SRC: variants seen among roughly 807,000 people sequenced by gnomAD.
SRC encodes the protein SRC proto-oncogene, non-receptor tyrosine kinase.
A neutral mutation model predicts 62.9 loss-of-function variants in SRC; 13 were observed. The ratio of observed to expected loss-of-function variants is 0.21; its 90% CI spans 0.13 to 0.33. The LOEUF (loss-of-function observed/expected upper bound fraction) is 0.33, where lower values mean the gene tolerates loss of function less well. SRC is among the 10% of genes least tolerant of loss of function. SRC has a pLI of 1.00. For synonymous variants in SRC, 302 were observed against 317.5 expected, an observed-to-expected ratio of 0.95 and a Z score of 0.52; for missense variants, 457 against 737.3, an observed-to-expected ratio of 0.62 and a Z score of 4.40.
At chr20:37,390,388 C>CTTTTT (rs562064689) in intron 5 of SRC, among the ~76,000 whole-genome samples, 3 of 85,658 alleles carry the variant, frequency 3.5e-5, no homozygotes, top group Non-Finnish European at 2.4e-5. Context: ...TCTGATCTGG[C>CTTTTT]TTTTTTTTTT....
chr20:37,370,104 C>T (rs1432610486), intron 2 of SRC, among the ~76,000 whole-genome samples: 1 of 152,158 alleles, frequency 6.6e-6, no homozygotes, highest in African/African-American at 2.4e-5. Context: ...CCGGCCTAGC[C>T]GTGAGGTTTT....
Position 37,351,179 on chromosome 20 carries a change from A to G in SRC, c.-247+4924A>G, listed in dbSNP as rs896291974. 2.3e-4 allele frequency among the ~76,000 whole-genome samples: 35 copies of G among 152,158 alleles called. No individual in the cohort carries two copies. The highest frequency in any genetic ancestry group is 2.8e-4 in the Non-Finnish European group (19 of 68,030). ...TCCTTGGGCAAGTGACTTTCCCCCA[A>G]CTTTGGTCCATTTGGTCCTTCTTCT... On this transcript the variant is annotated intron_variant, in intron 1 of 13. Coordinates refer to ENST00000373578, the MANE Select transcript of SRC (RefSeq NM_198291.3). This position sits in a 1 kb window ranked among gnomAD's most constrained non-coding sequence, Gnocchi z 4.4.
chr20:37,360,218 CTTTTTTTTT>C (rs61476973), intron 1 of SRC, among the ~76,000 whole-genome samples: 2 of 105,632 alleles, frequency 1.9e-5, no homozygotes, highest in Admixed American at 2.0e-4. Context: ...CTCTCTCTCT[CTTTTTTTTT>C]TTTTTTTTTT....
At chr20:37,367,358 G>T (rs754377404) in intron 2 of SRC, among the ~76,000 whole-genome samples, 1 of 151,876 alleles carries the variant, frequency 6.6e-6, no homozygotes, top group Non-Finnish European at 1.5e-5. Flanking sequence ...GGGATTACAG[G>T]CATGTGCCAT....
intron 5 of SRC, among the ~76,000 whole-genome samples, chr20:37,393,549 G>A (rs1490763298): frequency 2.7e-5 from 4 of 146,294 alleles, no homozygotes; most frequent in Admixed American, 6.8e-5. Flanking sequence ...GGCAGCTCTC[G>A]GCATCTTGAG....
At chr20:37,392,792 T>C (rs2147087209) in intron 5 of SRC, among the ~76,000 whole-genome samples, 1 of 152,236 alleles carries the variant, frequency 6.6e-6, no homozygotes, top group African/African-American at 2.4e-5. Context: ...CCTGTCCCCT[T>C]GGTTGCTTTG....
At chr20:37,401,987 C>T (rs1242922069) in intron 11 of SRC, 2 of 372,302 alleles carry the variant, frequency 5.4e-6, no homozygotes, top group Non-Finnish European at 4.8e-6. Context: ...TTGCTGTAGG[C>T]AGTGGTCAAC....
In SRC at chr20:37,386,289, C is replaced by CCCAGGGCAGTGT. The variant is rs1568635971; in HGVS notation, c.350+115_350+116insCCAGGGCAGTGT. On this transcript the variant is annotated intron_variant, in intron 5 of 13. Transcript: ENST00000373578. ...GCACAGTGCAGAGCCCAGGGCAGTG[C>CCCAGGGCAGTGT]GAAGCCCAGGGCAGTGTGGAGGCAG... The CCCAGGGCAGTGT allele has an allele frequency of 1.1e-3, 1,126 of 1,055,998 alleles. 3 individuals are homozygous for CCCAGGGCAGTGT. The African/African-American group carries it at 0.015, about 15-fold the overall frequency. 65.4% of individuals were successfully genotyped at this position (1,055,998 alleles called of 1,614,324 possible).
Position 37,400,129 on chromosome 20 carries a change from A to T in SRC, c.874A>T (p.Thr292Ser), listed in dbSNP as rs1233868589. The T allele has an allele frequency of 6.2e-7, 1 of 1,609,996 alleles. No individual in the cohort carries two copies. The highest frequency in any genetic ancestry group is 8.5e-7 in the Non-Finnish European group (1 of 1,178,066). ...GEVWMGTWNG[T>S]TRVAIKTLKP... is the part of the protein sequence containing the mutation. ...CTCCTCAACAGGGACCTGGAACGGTACCACCAGGGTGGCCATCAAAACCCT... is the reference window on the plus strand; with the variant it reads ...CTCCTCAACAGGGACCTGGAACGGTTCCACCAGGGTGGCCATCAAAACCCT... Residue 292 changes from threonine to serine, a missense_variant, in exon 10 of 14, where the codon ACC (threonine) becomes TCC (serine). Thr to Ser is a moderately conservative substitution (Grantham distance 58). Around this residue, in one of 4 missense-constraint regions of SRC, gnomAD observed 168 missense variants for 357.8 expected, o/e 0.47. Coordinates refer to ENST00000373578, the MANE Select transcript of SRC (RefSeq NM_198291.3).
intron 1 of SRC, among the ~76,000 whole-genome samples, chr20:37,354,899 A>T (rs2069858749): frequency 6.6e-6 from 1 of 152,160 alleles, no homozygotes; most frequent in South Asian, 2.1e-4. Context: ...GGAAGGCTTG[A>T]TGTGCTCATT....
At chr20:37,362,761 C>A (rs1442514550) in intron 1 of SRC, among the ~76,000 whole-genome samples, 1 of 152,120 alleles carries the variant, frequency 6.6e-6, no homozygotes, top group Non-Finnish European at 1.5e-5. Flanking sequence ...AGCCTCCTAA[C>A]CCCTCCAACT....
chr20:37,388,703 T>C (rs1201579721), intron 5 of SRC, among the ~76,000 whole-genome samples: 2 of 151,762 alleles, frequency 1.3e-5, no homozygotes, highest in African/African-American at 4.8e-5. Context: ...GCCATGATCG[T>C]GCTACTGCAC....
intron 4 of SRC, 82 bp from the exon 5 acceptor site, chr20:37,385,990 ACTC>A: frequency 9.3e-7 from 1 of 1,076,312 alleles, no homozygotes; most frequent in South Asian, 1.3e-5. Context: ...AGACAAATCC[ACTC>A]CTCCTGGGTA....
At position 37,401,684 on chromosome 20, in the gene SRC, T is replaced by C. The variant is rs1403097342; in HGVS notation, c.1116+6T>C. 7 of 1,603,256 alleles carry C rather than the reference T, an allele frequency of 4.4e-6. No homozygotes were observed. Among genetic ancestry groups the C allele is most frequent in the Admixed American group, 3.4e-5 (2 of 59,110 alleles). ...TGGTGGACATGGCTGCTCAGGTGAG[T>C]CAGCCCCTCCCGCCTCCCCACACCC... is the stretch of plus-strand genomic sequence containing the variant. On this transcript the variant is annotated splice_donor_region_variant and intron_variant, in intron 11 of 13. Transcript: ENST00000373578.
Position 37,398,043 on chromosome 20 carries a change from C to T in SRC, c.859+189C>T, listed in dbSNP as rs745727153. The stretch of plus-strand genomic sequence containing the variant: ...GCCACCCAAGCACTGTGCCCCGGAC[C>T]GTGCAAACCATAGTGCCTGATTCCA... On this transcript the variant is annotated intron_variant, in intron 9 of 13. Coordinates refer to ENST00000373578, the MANE Select transcript of SRC (RefSeq NM_198291.3). This position sits in a 1 kb window ranked among gnomAD's most constrained non-coding sequence, Gnocchi z 5.2. Among the ~76,000 whole-genome samples, 2 of 152,204 alleles carry T rather than the reference C, an allele frequency of 1.3e-5. No homozygotes were observed. Among genetic ancestry groups the T allele is most frequent in the Admixed American group, 6.5e-5 (1 of 15,278 alleles).
At chr20:37,388,379 A>G (rs948062009) in intron 5 of SRC, among the ~76,000 whole-genome samples, 23 of 152,094 alleles carry the variant, frequency 1.5e-4, no homozygotes, top group Non-Finnish European at 2.6e-4. Context: ...GGGGTAGCTG[A>G]TTGGGAGATG....
chr20:37,364,176 G>A (rs922089723), intron 1 of SRC, among the ~76,000 whole-genome samples: 2 of 152,132 alleles, frequency 1.3e-5, no homozygotes. Context: ...ATGCCCTGCC[G>A]GGGCCTCCTT....
chr20:37,350,698 T>C (rs771220166), intron 1 of SRC, among the ~76,000 whole-genome samples: 3 of 152,230 alleles, frequency 2.0e-5, no homozygotes, highest in Admixed American at 6.5e-5. Flanking sequence ...ATTTTATATT[T>C]TTCTTTCCCC....
At chr20:37,346,621 G>T (rs1251003461) in intron 1 of SRC, among the ~76,000 whole-genome samples, 1 of 151,864 alleles carries the variant, frequency 6.6e-6, no homozygotes, top group Non-Finnish European at 1.5e-5. Flanking sequence ...GAGCCAGTCG[G>T]CGCCGCCTCT....
Sources: gnomAD v4.1 joint callset for allele counts (sites outside exome capture counted in the v4.1 genomes callset) on GRCh38, gnomAD v4.1.1 for gene constraint, gnomAD v4.1.1 regional missense constraint, Gnocchi (gnomAD v3.1) non-coding constraint, MANE v1.5 for transcripts, NCBI Gene and HGNC (gene_info 2026-07-23, HGNC 2026-07-21) for gene names.